MBNL1: variants seen among roughly 807,000 people sequenced by gnomAD.
MBNL1 encodes the protein muscleblind like splicing regulator 1.
A neutral mutation model predicts 42.2 loss-of-function variants in MBNL1; 8 were observed. That is an observed-to-expected ratio of 0.19 (90% confidence interval 0.11 to 0.34). The LOEUF (loss-of-function observed/expected upper bound fraction) is 0.34, where lower values mean the gene tolerates loss of function less well. MBNL1 is among the 10% of genes least tolerant of loss of function. The probability of loss-of-function intolerance (pLI) is 1.00; values close to 1 mark genes in which losing one functional copy is unlikely to be tolerated. For synonymous variants in MBNL1, 169 were observed against 173.9 expected, an observed-to-expected ratio of 0.97 and a Z score of 0.22; for missense variants, 309 against 495.3, an observed-to-expected ratio of 0.62 and a Z score of 3.57.
intron 2 of MBNL1, among the ~76,000 whole-genome samples, chr3:152,319,336 A>G (rs999891244): frequency 2.0e-5 from 3 of 152,158 alleles, no homozygotes; most frequent in Admixed American, 6.5e-5. Flanking sequence ...GAGTCCTTAG[A>G]AATGATGTCA....
At chr3:152,317,980 AATGT>A (rs1374924896) in intron 2 of MBNL1, among the ~76,000 whole-genome samples, 1 of 152,260 alleles carries the variant, frequency 6.6e-6, no homozygotes, top group Non-Finnish European at 1.5e-5. Flanking sequence ...GCAAAATATT[AATGT>A]ATGAAAGTAG....
chr3:152,247,420 A>T (rs1444614510), intron 2 of MBNL1, among the ~76,000 whole-genome samples: 1 of 152,036 alleles, frequency 6.6e-6, no homozygotes, highest in African/African-American at 2.4e-5. Context: ...GCTCTGTATG[A>T]TAAAATATGT....
intron 4 of MBNL1, among the ~76,000 whole-genome samples, chr3:152,436,226 T>C (rs1399149205): frequency 1.3e-5 from 2 of 152,218 alleles, no homozygotes; most frequent in African/African-American, 4.8e-5. Flanking sequence ...TTTTAGCATA[T>C]TGACAATCAT....
intron 4 of MBNL1, among the ~76,000 whole-genome samples, chr3:152,440,495 T>G (rs188347960): frequency 3.3e-5 from 5 of 152,304 alleles, no homozygotes; most frequent in Admixed American, 2.6e-4. Flanking sequence ...ATGAGACTTA[T>G]TCCCTATCTT....
rs1721922849 is a variant in MBNL1 at position 152,451,066 on chromosome 3, G to A, written c.961+3293G>A. Among the ~76,000 whole-genome samples, 3 of 152,186 alleles carry A rather than the reference G, an allele frequency of 2.0e-5. No homozygotes were observed. In the South Asian group the frequency reaches 6.2e-4, roughly 31 times the overall value. Reference sequence around the variant, plus strand: ...TTAATAATTTGGAAGGTACACTTTTGAAGGCTTTATTGGAACTGGGAAGAA... The same window carrying A: ...TTAATAATTTGGAAGGTACACTTTTAAAGGCTTTATTGGAACTGGGAAGAA... On this transcript the variant is annotated intron_variant, in intron 6 of 9. Transcript: ENST00000324210.
intron 2 of MBNL1, among the ~76,000 whole-genome samples, chr3:152,318,476 ATTTG>A (rs2073824028): frequency 6.6e-6 from 1 of 152,156 alleles, no homozygotes; most frequent in African/African-American, 2.4e-5. Context: ...ACTGCATTTT[ATTTG>A]TTCTAATGAT....
intron 2 of MBNL1, chr3:152,340,698 G>A (rs921180253): frequency 3.7e-6 from 6 of 1,613,926 alleles, no homozygotes; most frequent in African/African-American, 2.7e-5. Context: ...GATCCCAGAT[G>A]TAAACGGGAG....
rs550225424 is a variant in MBNL1, at chr3:152,459,971, T to G, written c.*18+626T>G. On this transcript the variant is annotated intron_variant, in intron 9 of 9. Transcript: ENST00000324210. ...CAGGGGCATTAGAATGTAATGAGTT[T>G]GGCTAAGCGTGGTGGCTCACACTTG... Among the ~76,000 whole-genome samples, 9 of 150,766 alleles carry G rather than the reference T, an allele frequency of 6.0e-5. No individual in the cohort carries two copies. In the South Asian group the frequency reaches 6.3e-4, roughly 11 times the overall value.
intron 1 of MBNL1, among the ~76,000 whole-genome samples, chr3:152,298,107 A>G (rs1169521570): frequency 6.6e-6 from 1 of 152,194 alleles, no homozygotes; most frequent in African/African-American, 2.4e-5. Context: ...TAATGTACGT[A>G]TGTATTTATA....
intron 2 of MBNL1, among the ~76,000 whole-genome samples, chr3:152,390,613 G>GCGCACACACACA (rs34259730): frequency 8.2e-5 from 12 of 147,156 alleles, no homozygotes; most frequent in Non-Finnish European, 1.5e-4. Context: ...GTATTGTTAT[G>GCGCACACACACA]CACACACACA....
At chr3:152,440,522 A>G (rs900438008) in intron 4 of MBNL1, among the ~76,000 whole-genome samples, 1 of 152,206 alleles carries the variant, frequency 6.6e-6, no homozygotes, top group Non-Finnish European at 1.5e-5. Flanking sequence ...AGCTCAGGAA[A>G]GATATGCCCC....
intron 2 of MBNL1, among the ~76,000 whole-genome samples, chr3:152,312,137 A>G (rs2066994183): frequency 6.8e-6 from 1 of 147,208 alleles, no homozygotes; most frequent in African/African-American, 2.5e-5. Flanking sequence ...GCTTGCAGTG[A>G]GCCGAGATCC....
At chr3:152,299,283 A>G (rs539305905) in intron 1 of MBNL1, 122 bp from the exon 2 acceptor site, 5 of 155,556 alleles carry the variant, frequency 3.2e-5, no homozygotes, top group Admixed American at 1.3e-4. Context: ...TATGTGTGGG[A>G]GAGAGAGAGA....
At chr3:152,368,912 T>C (rs575516254) in intron 2 of MBNL1, among the ~76,000 whole-genome samples, 1 of 152,350 alleles carries the variant, frequency 6.6e-6, no homozygotes, top group African/African-American at 2.4e-5. Context: ...AATTTTGTGC[T>C]GAGACAGTGA....
intron 2 of MBNL1, among the ~76,000 whole-genome samples, chr3:152,374,101 TTTC>T (rs1478132114): frequency 2.0e-5 from 3 of 152,188 alleles, no homozygotes; most frequent in African/African-American, 7.2e-5. Context: ...TGCTTTATAG[TTTC>T]TTCTTTAGAA....
At position 152,318,070 on chromosome 3, in the gene MBNL1, T is replaced by C. The variant is rs943473266; in HGVS notation, c.174+17703T>C. ...GTGTTGTTACAGGATACAGAGAAAATTGATGGTCAACCTTAGCCTGTAGTA... is the reference window on the plus strand; with the variant it reads ...GTGTTGTTACAGGATACAGAGAAAACTGATGGTCAACCTTAGCCTGTAGTA... On this transcript the variant is annotated intron_variant, in intron 2 of 9. Transcript: ENST00000324210. Among the ~76,000 whole-genome samples the C allele has an allele frequency of 3.3e-5, 5 of 152,150 alleles. 1 individual carries two copies. In the South Asian group the frequency reaches 1.0e-3, roughly 32 times the overall value.
At chr3:152,431,641 AT>A (rs1408980616) in intron 3 of MBNL1, among the ~76,000 whole-genome samples, 1 of 152,172 alleles carries the variant, frequency 6.6e-6, no homozygotes, top group Non-Finnish European at 1.5e-5. Context: ...AAGAAAATAA[AT>A]TGTTAAATAT....
intron 2 of MBNL1, among the ~76,000 whole-genome samples, chr3:152,367,098 T>TA (rs2096422231): frequency 6.6e-6 from 1 of 152,158 alleles, no homozygotes; most frequent in Non-Finnish European, 1.5e-5. Flanking sequence ...GCAGGTTTGT[T>TA]ACACGTGCCA....
chr3:152,276,092 A>G (rs938428581), intron 1 of MBNL1, among the ~76,000 whole-genome samples: 1 of 152,200 alleles, frequency 6.6e-6, no homozygotes, highest in African/African-American at 2.4e-5. Context: ...CTTTTACCTT[A>G]AAGATCATGA....
Sources: allele counts gnomAD v4.1 joint callset (sites outside exome capture counted in the v4.1 genomes callset), GRCh38; gene constraint gnomAD v4.1.1; transcripts MANE v1.5; gene names NCBI Gene and HGNC (gene_info 2026-07-23, HGNC 2026-07-21).